POC1B: variants seen among roughly 807,000 people sequenced by gnomAD.
POC1B encodes the protein POC1 centriolar protein B.
POC1B carries 44 observed loss-of-function variants against 60.6 expected under a neutral mutation model. The ratio of observed to expected loss-of-function variants is 0.73; its 90% CI spans 0.57 to 0.93. The LOEUF is 0.93. Among genes scored for constraint, POC1B ranks in the 40% least tolerant of loss-of-function variants. POC1B has a pLI of 0.00. For synonymous variants in POC1B, 180 were observed against 198.9 expected (o/e 0.90, Z 0.80); for missense variants, 555 against 572.3 (o/e 0.97, Z 0.31).
At chr12:89,437,819 G>A (rs985624237) in intron 10 of POC1B, among the ~76,000 whole-genome samples, 14 of 151,892 alleles carry the variant, frequency 9.2e-5, no homozygotes, top group East Asian at 3.9e-4. Flanking sequence ...AGGCCGAGAC[G>A]GGTGGATCAC....
At chr12:89,481,107 C>G (rs1490209663) in intron 4 of POC1B, among the ~76,000 whole-genome samples, 1 of 152,122 alleles carries the variant, frequency 6.6e-6, no homozygotes, top group Admixed American at 6.5e-5. Flanking sequence ...CTCCTGGCCT[C>G]GAGTGATCCA....
intron 10 of POC1B, among the ~76,000 whole-genome samples, chr12:89,457,156 T>TC (rs1882294176): frequency 6.6e-6 from 1 of 152,210 alleles, no homozygotes; most frequent in South Asian, 2.1e-4. Flanking sequence ...ACATGCAAAG[T>TC]ACACACAAAA....
At chr12:89,476,739 T>TAGACAGACAGAC (rs1366396539) in intron 4 of POC1B, among the ~76,000 whole-genome samples, 5 of 132,604 alleles carry the variant, frequency 3.8e-5, no homozygotes, top group African/African-American at 1.2e-4. Flanking sequence ...GATAGATAGA[T>TAGACAGACAGAC]AGATAGATAG....
At chr12:89,494,313 A>G (rs1214348660) in intron 3 of POC1B, among the ~76,000 whole-genome samples, 1 of 151,994 alleles carries the variant, frequency 6.6e-6, no homozygotes, top group African/African-American at 2.4e-5. Flanking sequence ...AGCCTCCCAA[A>G]GTGCTGGAAT....
At chr12:89,495,118 C>G (rs1869179076) in intron 3 of POC1B, among the ~76,000 whole-genome samples, 1 of 152,212 alleles carries the variant, frequency 6.6e-6, no homozygotes, top group South Asian at 2.1e-4. Flanking sequence ...GAAAGAGAAA[C>G]TAGGGACACC....
At chr12:89,513,818 G>A (rs1373395132) in intron 2 of POC1B, among the ~76,000 whole-genome samples, 1 of 152,190 alleles carries the variant, frequency 6.6e-6, no homozygotes, top group Non-Finnish European at 1.5e-5. Context: ...TCATAGGAGT[G>A]TGAACCCTGC....
At chr12:89,448,953 C>T (rs1352166849) in intron 10 of POC1B, among the ~76,000 whole-genome samples, 1 of 152,210 alleles carries the variant, frequency 6.6e-6, no homozygotes, top group Non-Finnish European at 1.5e-5. Context: ...CCACCTGCTC[C>T]CAAACTGGAG....
chr12:89,410,391 G>A, the POC1B span, among the ~76,000 whole-genome samples: 21 of 152,162 alleles, frequency 1.4e-4, no homozygotes, highest in African/African-American at 3.4e-4. Flanking sequence ...TTTGAAAACC[G>A]GCACAAGGTC....
intron 2 of POC1B, chr12:89,500,022 C>T (rs1869470504): frequency 6.0e-6 from 6 of 995,560 alleles, no homozygotes; most frequent in South Asian, 1.4e-5. Flanking sequence ...ATTTCTTGCT[C>T]GGCCTCCTGG....
At chr12:89,479,153 T>C (rs1166339738) in intron 4 of POC1B, among the ~76,000 whole-genome samples, 1 of 152,214 alleles carries the variant, frequency 6.6e-6, no homozygotes, top group Non-Finnish European at 1.5e-5. Context: ...GTATAATAGA[T>C]ACCTCATCTT....
intron 10 of POC1B, among the ~76,000 whole-genome samples, chr12:89,459,407 TA>T (rs10535587): frequency 0.31 from 31,333 of 102,396 alleles, 3,961 homozygotes; most frequent in African/African-American, 0.44. Flanking sequence ...ACTTAAAGTA[TA>T]AAAAAAAAAA....
intron 2 of POC1B, among the ~76,000 whole-genome samples, chr12:89,502,978 T>C (rs573898810): frequency 1.8e-4 from 28 of 152,348 alleles, no homozygotes; most frequent in Non-Finnish European, 3.8e-4. Context: ...TGTGTATATA[T>C]GTATATGTGA....
chr12:89,447,974 C>A (rs1881857038), intron 10 of POC1B, among the ~76,000 whole-genome samples: 1 of 151,806 alleles, frequency 6.6e-6, no homozygotes, highest in Non-Finnish European at 1.5e-5. Context: ...TAACGCATGA[C>A]CTGAGGAACA....
chr12:89,472,063 C>T (rs1245157556), intron 5 of POC1B, 105 bp downstream of exon 5: 14 of 828,660 alleles, frequency 1.7e-5, no homozygotes, highest in Admixed American at 4.8e-5. Flanking sequence ...CCACTGCACC[C>T]GGCCATATTT....
intron 10 of POC1B, among the ~76,000 whole-genome samples, chr12:89,443,262 A>C (rs1197779215): frequency 6.6e-6 from 1 of 152,244 alleles, no homozygotes; most frequent in East Asian, 1.9e-4. Flanking sequence ...CCTAATGGAC[A>C]TCTATAGAAC....
the POC1B span, among the ~76,000 whole-genome samples, chr12:89,406,689 T>C: frequency 6.6e-6 from 1 of 151,986 alleles, no homozygotes; most frequent in East Asian, 1.9e-4. Context: ...AGTCACACTG[T>C]TCAGATACTG....
intron 4 of POC1B, among the ~76,000 whole-genome samples, chr12:89,474,774 T>C (rs1475445584): frequency 6.6e-6 from 1 of 152,240 alleles, no homozygotes; most frequent in Non-Finnish European, 1.5e-5. Flanking sequence ...CTGGAAGTTC[T>C]GTGTGGCTTC....
intron 9 of POC1B, among the ~76,000 whole-genome samples, chr12:89,460,558 G>A (rs1445828177): frequency 1.3e-5 from 2 of 152,078 alleles, no homozygotes; most frequent in South Asian, 4.1e-4. Context: ...AAAACTATTG[G>A]AAGTACCCTA....
intron 2 of POC1B, chr12:89,499,947 T>C: frequency 1.6e-6 from 1 of 610,068 alleles, no homozygotes; most frequent in Non-Finnish European, 2.9e-6. Context: ...ATCGCAGCTC[T>C]TGCGGCGGCC....
Sources: gnomAD v4.1 joint callset for allele counts (sites outside exome capture counted in the v4.1 genomes callset) on GRCh38, gnomAD v4.1.1 for gene constraint, MANE v1.5 for transcripts, NCBI Gene and HGNC (gene_info 2026-07-23, HGNC 2026-07-21) for gene names.